Variants in FRMD6 observed in about 807,000 individuals in gnomAD.
FRMD6 encodes the protein FERM domain-containing protein 6.
FRMD6 carries 37 observed loss-of-function variants against 73.2 expected under a neutral mutation model. That is an observed-to-expected ratio of 0.51 (90% CI 0.39 to 0.66). The LOEUF is 0.66. FRMD6 is among the 30% of genes least tolerant of loss of function. FRMD6 has a pLI of 0.00. For missense variants in FRMD6, 714 were observed against 780.5 expected, an observed-to-expected ratio of 0.91 and a Z score of 1.02; for synonymous variants, 273 against 282.2, an observed-to-expected ratio of 0.97 and a Z score of 0.33.
intron 2 of FRMD6, among the ~76,000 whole-genome samples, chr14:51,596,529 ACTC>A (rs1048177513): frequency 2.0e-5 from 3 of 151,886 alleles, no homozygotes; most frequent in Non-Finnish European, 4.4e-5. Context: ...GAAAAAGTGT[ACTC>A]CTTCGTAAGT....
chr14:51,691,475 G>GT (rs1326946109), intron 2 of FRMD6, among the ~76,000 whole-genome samples: 3 of 150,146 alleles, frequency 2.0e-5, no homozygotes, highest in Admixed American at 6.6e-5. Flanking sequence ...CTTTCATACT[G>GT]TTTCTTTCAT....
At chr14:51,513,532 G>A (rs1015418460) in intron 1 of FRMD6, among the ~76,000 whole-genome samples, 1 of 152,310 alleles carries the variant, frequency 6.6e-6, no homozygotes, top group Admixed American at 6.5e-5. Flanking sequence ...TCAAAGTCTG[G>A]ATGGCAGAGC....
At chr14:51,551,525 A>G (rs538649332) in intron 1 of FRMD6, among the ~76,000 whole-genome samples, 1 of 152,300 alleles carries the variant, frequency 6.6e-6, no homozygotes, top group Admixed American at 6.5e-5. Context: ...GCTTGAGCTC[A>G]GGAGTTCAAG....
the FRMD6 span, among the ~76,000 whole-genome samples, chr14:51,402,340 CA>C: frequency 6.6e-6 from 1 of 152,142 alleles, no homozygotes; most frequent in African/African-American, 2.4e-5. Flanking sequence ...TGTCCCCACC[CA>C]AATCTCATTC....
At chr14:51,437,392 T>G in the FRMD6 span, among the ~76,000 whole-genome samples, 17 of 152,212 alleles carry the variant, frequency 1.1e-4, no homozygotes, top group African/African-American at 4.1e-4. Context: ...AACCTCCGCC[T>G]GCCGGGTTCA....
At chr14:51,486,069 C>G (rs1302126041), upstream of FRMD6, among the ~76,000 whole-genome samples, 2 of 150,858 alleles carry the variant, frequency 1.3e-5, no homozygotes, top group Non-Finnish European at 2.9e-5. Context: ...GAGTCTCGCA[C>G]TGTCACCCAG....
intron 2 of FRMD6, among the ~76,000 whole-genome samples, chr14:51,697,332 C>T (rs72675832): frequency 0.13 from 19,698 of 151,992 alleles, 1,595 homozygotes; most frequent in East Asian, 0.34. Context: ...ACAATTCAGC[C>T]TTTAAAAAGA....
chr14:51,419,992 C>T, the FRMD6 span, among the ~76,000 whole-genome samples: 2 of 132,432 alleles, frequency 1.5e-5, no homozygotes, highest in African/African-American at 5.2e-5. Flanking sequence ...CATGTGACTT[C>T]CTGCCCTCGT....
At chr14:51,643,748 T>C (rs1891921302) in intron 2 of FRMD6, 1 of 152,176 alleles carries the variant, frequency 6.6e-6, no homozygotes, top group South Asian at 2.1e-4. Flanking sequence ...AAACACAAGG[T>C]GCAGTTAAAC....
At chr14:51,440,684 TAAAGAGAGAGAGAGAGAAGA>T in the FRMD6 span, among the ~76,000 whole-genome samples, 1 of 151,968 alleles carries the variant, frequency 6.6e-6, no homozygotes, top group Non-Finnish European at 1.5e-5. Context: ...TATACTTGCT[TAAAGAGAGAGAGAGAGAAGA>T]GGAGAGAGAG....
intron 2 of FRMD6, among the ~76,000 whole-genome samples, chr14:51,636,694 T>C (rs775254150): frequency 1.3e-5 from 2 of 152,216 alleles, no homozygotes; most frequent in Non-Finnish European, 2.9e-5. Context: ...GAATGTGGGA[T>C]GTGACCCCTT....
chr14:51,456,506 TATTCC>T, the FRMD6 span, among the ~76,000 whole-genome samples: 1 of 152,246 alleles, frequency 6.6e-6, no homozygotes, highest in Non-Finnish European at 1.5e-5. Flanking sequence ...AGCTGCATAG[TATTCC>T]ATGGTGTATA....
At chr14:51,507,456 T>C (rs996288933) in intron 1 of FRMD6, among the ~76,000 whole-genome samples, 1 of 152,218 alleles carries the variant, frequency 6.6e-6, no homozygotes, top group Non-Finnish European at 1.5e-5. Context: ...GGAGGATATC[T>C]GGAAGACACT....
intron 9 of FRMD6, chr14:51,714,029 T>A (rs1407099080): frequency 6.6e-6 from 1 of 152,220 alleles, no homozygotes; most frequent in Non-Finnish European, 1.5e-5. Flanking sequence ...AGGAGATTTT[T>A]GACTCAGTGG....
chr14:51,658,832 A>G (rs1280700292), intron 1 of FRMD6, among the ~76,000 whole-genome samples: 1 of 152,194 alleles, frequency 6.6e-6, no homozygotes, highest in Non-Finnish European at 1.5e-5. Flanking sequence ...TTATTACTTA[A>G]GAAAAGACTC....
intron 1 of FRMD6, among the ~76,000 whole-genome samples, chr14:51,657,771 T>C (rs1360328367): frequency 6.6e-6 from 1 of 152,152 alleles, no homozygotes; most frequent in Admixed American, 6.5e-5. Context: ...AAGAAAACTT[T>C]AAAGGTTCCA....
At chr14:51,676,695 T>G (rs1361711226) in intron 1 of FRMD6, among the ~76,000 whole-genome samples, 1 of 152,202 alleles carries the variant, frequency 6.6e-6, no homozygotes, top group Non-Finnish European at 1.5e-5. Flanking sequence ...TTGTAATGTC[T>G]GTACATTTTA....
intron 1 of FRMD6, among the ~76,000 whole-genome samples, chr14:51,559,684 A>C (rs1887369092): frequency 6.6e-6 from 1 of 151,962 alleles, no homozygotes; most frequent in Non-Finnish European, 1.5e-5. Flanking sequence ...CAGACCTCCA[A>C]ATTCAGAACC....
chr14:51,560,378 C>T (rs928706906), intron 1 of FRMD6, among the ~76,000 whole-genome samples: 8 of 152,096 alleles, frequency 5.3e-5, no homozygotes, highest in South Asian at 2.1e-4. Flanking sequence ...TCATGTAGGC[C>T]GGCAACAGTG....
Sources: allele counts gnomAD v4.1 joint callset (sites outside exome capture counted in the v4.1 genomes callset), GRCh38; gene constraint gnomAD v4.1.1; transcripts MANE v1.5; gene names NCBI Gene and HGNC (gene_info 2026-07-23, HGNC 2026-07-21).